The following ZNF521 variants were observed in gnomAD, a reference collection of about 807,000 sequenced individuals.
ZNF521 encodes LYST-interacting protein 3.
Under a neutral mutation model 105.5 loss-of-function variants are expected in ZNF521, and 14 were observed. The ratio of observed to expected loss-of-function variants is 0.13; its 90% CI spans 0.09 to 0.21. The LOEUF (loss-of-function observed/expected upper bound fraction) is 0.21, where lower values mean the gene tolerates loss of function less well. Among genes scored for constraint, ZNF521 ranks in the 10% least tolerant of loss-of-function variants. ZNF521 has a pLI of 1.00. For missense variants in ZNF521, 1,233 were observed against 1,629.7 expected (o/e 0.76, Z 4.19); for synonymous variants, 635 against 606.0 (o/e 1.05, Z -0.70).
At chr18:25,121,239 G>A (rs568641425) in intron 5 of ZNF521, among the ~76,000 whole-genome samples, 1 of 144,016 alleles carries the variant, frequency 6.9e-6, no homozygotes, top group Non-Finnish European at 1.5e-5. Context: ...AGCCTCCCGA[G>A]TAGCCACCGC....
chr18:25,109,418 G>A (rs995413580), intron 5 of ZNF521, among the ~76,000 whole-genome samples: 1 of 152,158 alleles, frequency 6.6e-6, no homozygotes, highest in African/African-American at 2.4e-5. Context: ...AATAACACAG[G>A]TACGCAGGTG....
chr18:25,342,353 C>G (rs963963543), intron 2 of ZNF521, among the ~76,000 whole-genome samples: 3 of 152,038 alleles, frequency 2.0e-5, no homozygotes, highest in Non-Finnish European at 2.9e-5. Context: ...TTCATTAGTA[C>G]TTGGTAGATC....
At chr18:25,239,696 A>G (rs140963355) in intron 3 of ZNF521, among the ~76,000 whole-genome samples, 184 of 152,338 alleles carry the variant, frequency 1.2e-3, no homozygotes, top group African/African-American at 4.1e-3. Flanking sequence ...AACAGGCTAC[A>G]GTCTCTTGCA....
chr18:25,269,983 A>G (rs1416807580), intron 3 of ZNF521, among the ~76,000 whole-genome samples: 1 of 151,908 alleles, frequency 6.6e-6, no homozygotes, highest in Non-Finnish European at 1.5e-5. Context: ...AGCCCTTCAA[A>G]AAATCCAGGA....
intron 2 of ZNF521, among the ~76,000 whole-genome samples, chr18:25,340,685 T>G (rs539553007): frequency 3.9e-5 from 6 of 152,330 alleles, no homozygotes; most frequent in African/African-American, 1.4e-4. Context: ...ACCTTTTTTT[T>G]GACTGTTAAG....
chr18:25,265,126 T>C (rs1490259527), intron 3 of ZNF521, among the ~76,000 whole-genome samples: 1 of 152,188 alleles, frequency 6.6e-6, no homozygotes. Context: ...TTTTTAAAAA[T>C]ATTAAACAAA....
chr18:25,346,849 T>C (rs1346571173), intron 2 of ZNF521, among the ~76,000 whole-genome samples: 1 of 152,172 alleles, frequency 6.6e-6, no homozygotes, highest in African/African-American at 2.4e-5. Flanking sequence ...TCAGATATCC[T>C]AATTGTGTCT....
chr18:25,079,562 G>A (rs533107379), intron 7 of ZNF521, among the ~76,000 whole-genome samples: 1 of 152,032 alleles, frequency 6.6e-6, no homozygotes, highest in Non-Finnish European at 1.5e-5. Flanking sequence ...TTCAGTAGCA[G>A]TCTGACTATA....
chr18:25,267,154 C>A (rs919615224), intron 3 of ZNF521, among the ~76,000 whole-genome samples: 23 of 152,194 alleles, frequency 1.5e-4, no homozygotes, highest in Admixed American at 1.0e-3. Flanking sequence ...GTAAACAAAG[C>A]TGCCAGGAAG....
At chr18:25,216,758 T>G (rs1246932935) in intron 4 of ZNF521, among the ~76,000 whole-genome samples, 1 of 152,156 alleles carries the variant, frequency 6.6e-6, no homozygotes, top group Admixed American at 6.5e-5. Context: ...GATCTTGCTG[T>G]GTTGGCTAGG....
chr18:25,238,389 A>G (rs1907074971), intron 3 of ZNF521, among the ~76,000 whole-genome samples: 2 of 152,222 alleles, frequency 1.3e-5, no homozygotes, highest in Non-Finnish European at 2.9e-5. Context: ...CATGACAGCC[A>G]ATTTCTTAAT....
In ZNF521 at chr18:25,275,779, C is replaced by A. The variant is rs542698993; in HGVS notation, c.220+46229G>T. On this transcript the variant is annotated intron_variant, in intron 3 of 7. Coordinates refer to ENST00000361524, the MANE Select transcript of ZNF521 (RefSeq NM_015461.3). ...AGACTGACCAGGATTGCCTACGCCA[C>A]GGAGACAGGAAGCTTGGGCCTCCAG... Among the ~76,000 whole-genome samples, 6 of 152,274 alleles carry A rather than the reference C, an allele frequency of 3.9e-5. No individual in the cohort carries two copies. The East Asian group carries it at 1.2e-3, about 30-fold the overall frequency.
At chr18:25,131,621 CT>C (rs2034642514) in intron 5 of ZNF521, among the ~76,000 whole-genome samples, 1 of 152,158 alleles carries the variant, frequency 6.6e-6, no homozygotes, top group African/African-American at 2.4e-5. Context: ...TAGAAAACCA[CT>C]GTGTTGCATT....
chr18:25,299,296 A>T (rs1911496222), intron 3 of ZNF521, among the ~76,000 whole-genome samples: 2 of 152,204 alleles, frequency 1.3e-5, no homozygotes, highest in Admixed American at 6.6e-5. Context: ...CGTGCTACAA[A>T]GTCCAATGAA....
chr18:25,087,595 G>A lies in ZNF521; in HGVS notation c.3906+1870C>T, dbSNP rs919325570. On this transcript the variant is annotated intron_variant, in intron 7 of 7. Transcript: ENST00000361524. ...TACATACTAATTAACAGTATCACTA[G>A]GTGTTTTGGCCATATCCTTTATAGA... is the stretch of plus-strand genomic sequence containing the variant. Among the ~76,000 whole-genome samples the A allele has an allele frequency of 2.0e-5, 3 of 152,180 alleles. No individual in the cohort carries two copies. In the East Asian group the frequency reaches 5.8e-4, roughly 29 times the overall value.
chr18:25,267,203 T>A (rs932079039), intron 3 of ZNF521, among the ~76,000 whole-genome samples: 1 of 152,140 alleles, frequency 6.6e-6, no homozygotes, highest in African/African-American at 2.4e-5. Flanking sequence ...CAGCAAGGCC[T>A]CTGCGGCCAG....
chr18:25,173,437 A>C (rs2035482271), intron 5 of ZNF521, among the ~76,000 whole-genome samples: 1 of 152,198 alleles, frequency 6.6e-6, no homozygotes, highest in South Asian at 2.1e-4. Context: ...CTTTGTAGCC[A>C]ACCATTCCCA....
intron 3 of ZNF521, among the ~76,000 whole-genome samples, chr18:25,228,727 C>T (rs1486800044): frequency 6.6e-6 from 1 of 152,160 alleles, no homozygotes; most frequent in East Asian, 1.9e-4. Flanking sequence ...ATAAACTTAG[C>T]AAGTTATCCA....
At chr18:25,097,472 C>T (rs750880674) in intron 5 of ZNF521, among the ~76,000 whole-genome samples, 3 of 151,810 alleles carry the variant, frequency 2.0e-5, no homozygotes, top group East Asian at 1.9e-4. Context: ...TTTTTTTGAA[C>T]GAGTTGCCAT....
Sources: gnomAD v4.1 joint callset for allele counts (sites outside exome capture counted in the v4.1 genomes callset) on GRCh38, gnomAD v4.1.1 for gene constraint, MANE v1.5 for transcripts, NCBI Gene and HGNC (gene_info 2026-07-23, HGNC 2026-07-21) for gene names.